Variants in FER1L6 observed in about 807,000 individuals in gnomAD.
FER1L6 encodes the protein fer-1 like family member 6, also known as fer-1-like protein 6.
Under a neutral mutation model 219.2 loss-of-function variants are expected in FER1L6, and 177 were observed. That is an observed-to-expected ratio of 0.81 (90% confidence interval 0.71 to 0.91). FER1L6 has a LOEUF of 0.91. Ranked by LOEUF, FER1L6 falls within the 40% of genes least tolerant of loss-of-function variation. The pLI is 0.00. For missense variants in FER1L6, 2,153 were observed against 2,259.9 expected, an observed-to-expected ratio of 0.95 and a Z score of 0.96; for synonymous variants, 768 against 824.3, an observed-to-expected ratio of 0.93 and a Z score of 1.17.
intron 1 of FER1L6, among the ~76,000 whole-genome samples, chr8:123,930,069 T>TA (rs1813712159): frequency 6.6e-6 from 1 of 152,248 alleles, no homozygotes; most frequent in Admixed American, 6.5e-5. Flanking sequence ...AGGTCCCACG[T>TA]ACCCTTTAAC....
At chr8:124,047,794 G>A (rs1479986214) in intron 21 of FER1L6, 1 of 152,194 alleles carries the variant, frequency 6.6e-6, no homozygotes, top group African/African-American at 2.4e-5. Flanking sequence ...GTTCACCCTT[G>A]TGCGCTGCAG....
chr8:124,054,806 G>C (rs1397117634), intron 22 of FER1L6, among the ~76,000 whole-genome samples: 4 of 152,136 alleles, frequency 2.6e-5, no homozygotes, highest in Non-Finnish European at 5.9e-5. Flanking sequence ...GATCACATGG[G>C]GCCTGGTAAG....
At chr8:124,042,432 C>G (rs1473045130) in intron 20 of FER1L6, among the ~76,000 whole-genome samples, 1 of 152,332 alleles carries the variant, frequency 6.6e-6, no homozygotes, top group East Asian at 1.9e-4. Flanking sequence ...CAGCCCAAAG[C>G]TGGATGTTAT....
At chr8:123,882,774 A>C (rs917695597) in intron 1 of FER1L6, among the ~76,000 whole-genome samples, 2 of 152,180 alleles carry the variant, frequency 1.3e-5, no homozygotes, top group Admixed American at 1.3e-4. Flanking sequence ...AGGGCAGTGA[A>C]TCAACTCCGC....
At chr8:124,057,265 T>C (rs1389255263) in intron 22 of FER1L6, among the ~76,000 whole-genome samples, 1 of 152,216 alleles carries the variant, frequency 6.6e-6, no homozygotes, top group Non-Finnish European at 1.5e-5. Context: ...AACAATTTTC[T>C]TTCAGCTGAA....
intron 3 of FER1L6, among the ~76,000 whole-genome samples, chr8:123,965,468 A>T (rs1440795298): frequency 6.6e-6 from 1 of 152,226 alleles, no homozygotes. Context: ...GATAGTCCAG[A>T]TAAATGAAAT....
intron 18 of FER1L6, among the ~76,000 whole-genome samples, chr8:124,032,751 G>C (rs1477452258): frequency 2.0e-5 from 3 of 149,710 alleles, no homozygotes; most frequent in Non-Finnish European, 4.4e-5. Context: ...GGCAGGGTGG[G>C]AGGGGGATAA....
chr8:124,088,515 G>A lies in FER1L6; in HGVS notation c.4392-2908G>A, dbSNP rs769079066. Among the ~76,000 whole-genome samples the A allele has an allele frequency of 9.4e-4, 143 of 152,106 alleles. 1 individual carries two copies. The highest frequency in any genetic ancestry group is 3.3e-3 in the Admixed American group (51 of 15,298). Reference sequence around the variant, plus strand: ...CCACGATGGCTGGGCTGGTGCCCAAGCTGCAAGACAAAGTCCCCTTTGCTC... The same window carrying A: ...CCACGATGGCTGGGCTGGTGCCCAAACTGCAAGACAAAGTCCCCTTTGCTC... On this transcript the variant is annotated intron_variant, in intron 33 of 40. Transcript: ENST00000522917.
rs780622351 is a variant in FER1L6, at chr8:124,119,694, C to G, written c.5478C>G (p.Ile1826Met). 2 of 1,612,900 alleles carry G rather than the reference C, an allele frequency of 1.2e-6. No individual in the cohort carries two copies. The highest frequency in any genetic ancestry group is 2.7e-5 in the African/African-American group (2 of 74,870). Reference sequence around the variant, plus strand: ...GGAAGAATTACAAAAAGTACATCATCATTGCTTTCATTCTCATCATCCTCA... The same window carrying G: ...GGAAGAATTACAAAAAGTACATCATGATTGCTTTCATTCTCATCATCCTCA... ...LIWKNYKKYI[I>M]IAFILIILII... Residue 1826 changes from isoleucine to methionine, a missense_variant, in exon 41 of 41, where the codon ATC becomes ATG. By Grantham distance (10) the Ile-to-Met change is conservative. Transcript: ENST00000522917.
At chr8:124,038,158 C>T (rs1563758654) in intron 19 of FER1L6, among the ~76,000 whole-genome samples, 1 of 152,172 alleles carries the variant, frequency 6.6e-6, no homozygotes. Context: ...CCCATGTGGC[C>T]TAGTGTTTTT....
chr8:123,856,256 A>G (rs1816640644), intron 1 of FER1L6, among the ~76,000 whole-genome samples: 1 of 131,250 alleles, frequency 7.6e-6, no homozygotes, highest in Non-Finnish European at 1.6e-5. Context: ...TATGAGATAT[A>G]TGTATATATG....
chr8:124,067,762 C>T lies in FER1L6; in HGVS notation c.3679-5C>T, dbSNP rs759241888. Reference sequence around the variant, plus strand: ...GTGTCAATAATATTGTCTCCTTTTTCAAAGGCAAAGGAGAGAAATCCCAAG... The same window carrying T: ...GTGTCAATAATATTGTCTCCTTTTTTAAAGGCAAAGGAGAGAAATCCCAAG... On this transcript the variant is annotated splice_polypyrimidine_tract_variant and splice_region_variant and intron_variant, in intron 27 of 40. Coordinates refer to ENST00000522917, the MANE Select transcript of FER1L6 (RefSeq NM_001039112.2). 6.2e-7 allele frequency: 1 copy of T among 1,609,786 alleles called. No individual in the cohort carries two copies. Among genetic ancestry groups the T allele is most frequent in the Non-Finnish European group, 8.5e-7 (1 of 1,177,060 alleles).
Position 124,101,314 on chromosome 8 carries a change from A to C in FER1L6, c.5101A>C (p.Arg1701=), listed in dbSNP as rs748104522. Residue 1701 remains arginine (R), a synonymous_variant, in exon 38 of 41, where the codon AGG becomes CGG. Transcript: ENST00000522917. ...VLVLQVWDFE[R]LSSDDFLGTL... Reference sequence around the variant, plus strand: ...GGTGCTGCAGGTTTGGGATTTTGAAAGGCTGTCCTCAGATGACTTCCTGGG... The same window carrying C: ...GGTGCTGCAGGTTTGGGATTTTGAACGGCTGTCCTCAGATGACTTCCTGGG... 1 of 1,613,786 alleles carries C rather than the reference A, an allele frequency of 6.2e-7. No homozygotes were observed. The highest frequency in any genetic ancestry group is 8.5e-7 in the Non-Finnish European group (1 of 1,179,762).
chr8:123,986,276 G>A (rs1292187348), intron 12 of FER1L6, 100 bp downstream of exon 12: 2 of 688,896 alleles, frequency 2.9e-6, no homozygotes, highest in South Asian at 1.9e-5. Context: ...ATAGCACTCT[G>A]GTGGAGGTTT....
chr8:123,919,851 T>C (rs145760531), intron 1 of FER1L6, among the ~76,000 whole-genome samples: 1,573 of 152,214 alleles, frequency 0.01, 33 homozygotes, highest in African/African-American at 0.036. Context: ...TGACTTGGAC[T>C]CTTCTGCACC....
chr8:123,854,980 A>G (rs547661366), intron 1 of FER1L6, among the ~76,000 whole-genome samples: 2 of 152,346 alleles, frequency 1.3e-5, no homozygotes, highest in South Asian at 2.1e-4. Context: ...AATGGCTTAC[A>G]ATCATCACCT....
chr8:124,056,988 G>A (rs1430191556), intron 22 of FER1L6, among the ~76,000 whole-genome samples: 1 of 152,170 alleles, frequency 6.6e-6, no homozygotes, highest in Non-Finnish European at 1.5e-5. Flanking sequence ...AGGTTGCAGT[G>A]AGCAGGGATC....
chr8:124,116,719 ACT>A (rs1823263717), intron 39 of FER1L6, among the ~76,000 whole-genome samples: 1 of 152,172 alleles, frequency 6.6e-6, no homozygotes, highest in Non-Finnish European at 1.5e-5. Context: ...TCTTAAGCTG[ACT>A]CTACTTCAAA....
At chr8:123,909,896 T>C (rs16899027) in intron 1 of FER1L6, among the ~76,000 whole-genome samples, 40,340 of 152,108 alleles carry the variant, frequency 0.27, 5,646 homozygotes, top group East Asian at 0.44. Context: ...GTTGTTATCA[T>C]AGTTAACTCT....
Sources: gnomAD v4.1 joint callset for allele counts (sites outside exome capture counted in the v4.1 genomes callset) on GRCh38, gnomAD v4.1.1 for gene constraint, MANE v1.5 for transcripts, NCBI Gene and HGNC (gene_info 2026-07-23, HGNC 2026-07-21) for gene names.